DOCK6: variants seen among roughly 807,000 people sequenced by gnomAD.
DOCK6 encodes dedicator of cytokinesis 6.
In DOCK6, 167 loss-of-function variants were observed where a neutral mutation model predicts 230.3. The observed-to-expected ratio is 0.73, with a 90% CI of 0.64 to 0.82. The LOEUF is 0.82. Ranked by LOEUF, DOCK6 falls within the 40% of genes least tolerant of loss-of-function variation. The pLI, the probability that DOCK6 is intolerant of heterozygous loss-of-function variation, is 0.00. For missense variants in DOCK6, 2,598 were observed against 2,825.8 expected, an observed-to-expected ratio of 0.92 and a Z score of 1.83; for synonymous variants, 1,148 against 1,185.0, an observed-to-expected ratio of 0.97 and a Z score of 0.64.
At chr19:11,239,980 G>A in intron 14 of DOCK6, 2 of 1,554,518 alleles carry the variant, frequency 1.3e-6, no homozygotes, top group Non-Finnish European at 1.7e-6. Flanking sequence ...GGAGTCCAAA[G>A]AGGAGTTCGT....
rs1204283106 is a variant in DOCK6 at position 11,200,370 on chromosome 19, A to G, written c.6039T>C (p.Ala2013=). ...GGCGCTGGGTAAGCAGGGGCTGCAG[A>G]GCCTCCCGCAGGCGGCAGTAGTTGC... The part of the protein sequence containing the change: ...LERNYCRLRE[A]LQPLLTQRLP... Residue 2013 remains alanine (A), a synonymous_variant, in exon 47 of 48, where the codon GCT becomes GCC. Coordinates refer to ENST00000294618, the MANE Select transcript of DOCK6 (RefSeq NM_020812.4). This position sits in a 1 kb window ranked among gnomAD's most constrained non-coding sequence, Gnocchi z 4.3. 1.9e-6 allele frequency: 3 copies of G among 1,593,660 alleles called. No individual in the cohort carries two copies. Among genetic ancestry groups the G allele is most frequent in the Non-Finnish European group, 1.7e-6 (2 of 1,170,552 alleles).
At chr19:11,249,137 C>A (rs2080079005) in intron 6 of DOCK6, among the ~76,000 whole-genome samples, 1 of 152,166 alleles carries the variant, frequency 6.6e-6, no homozygotes, top group Non-Finnish European at 1.5e-5. Flanking sequence ...GAGAACTATA[C>A]AGTAGGCATT....
Position 11,222,700 on chromosome 19 carries a change from G to A in DOCK6, c.3240+35C>T. On this transcript the variant is annotated intron_variant, in intron 26 of 47. Transcript: ENST00000294618. The surrounding 1 kb of genome is among the most constrained non-coding windows in gnomAD (Gnocchi z 4.0). Reference sequence around the variant, plus strand: ...ATGGACTGAAGGTGAGAGGTTGTAGGTCAAAGAGAGGAGGCAGAAGTGAAG... The same window carrying A: ...ATGGACTGAAGGTGAGAGGTTGTAGATCAAAGAGAGGAGGCAGAAGTGAAG... The A allele has an allele frequency of 1.3e-6, 2 of 1,540,308 alleles. No homozygotes were observed.
At chr19:11,235,295 C>T (rs113062255) in intron 21 of DOCK6, among the ~76,000 whole-genome samples, 1,546 of 152,072 alleles carry the variant, frequency 0.01, 29 homozygotes, top group African/African-American at 0.035. Context: ...TTAGTAGAGA[C>T]GGGGTTTCAC....
intron 37 of DOCK6, among the ~76,000 whole-genome samples, chr19:11,210,543 C>G (rs1241642621): frequency 1.4e-5 from 2 of 143,722 alleles, no homozygotes; most frequent in African/African-American, 5.2e-5. Context: ...CCTGCCCATC[C>G]CCTTACCTGT....
intron 7 of DOCK6, 118 bp downstream of exon 7, chr19:11,247,948 G>A: frequency 1.2e-6 from 1 of 818,596 alleles, no homozygotes; most frequent in Non-Finnish European, 2.0e-6. Context: ...ATACATAGGT[G>A]GCCACATAGG....
intron 22 of DOCK6, chr19:11,232,181 G>A: frequency 2.3e-6 from 3 of 1,288,110 alleles, no homozygotes; most frequent in Non-Finnish European, 3.0e-6. Context: ...GGTAGGAAGG[G>A]CACCTGTCTG....
intron 7 of DOCK6, among the ~76,000 whole-genome samples, chr19:11,246,737 T>C (rs1208097111): frequency 6.6e-6 from 1 of 152,146 alleles, no homozygotes; most frequent in Non-Finnish European, 1.5e-5. Context: ...CTTTCTGGGG[T>C]GTCATCTGCC....
chr19:11,209,582 ATCCCTTCACTTGTCTAT>A (rs2079329022), intron 37 of DOCK6, among the ~76,000 whole-genome samples: 2 of 114,208 alleles, frequency 1.8e-5, no homozygotes. Context: ...TCACCTGTCC[ATCCCTTCACTTGTCTAT>A]CCCCTCACCT....
At chr19:11,215,557 T>A in intron 31 of DOCK6, 86 bp from the exon 32 acceptor site, 1 of 1,420,360 alleles carries the variant, frequency 7.0e-7, no homozygotes, top group Non-Finnish European at 9.7e-7. Context: ...CATGAAGATA[T>A]TCAGGTGGGC....
At chr19:11,209,965 G>GTC (rs2079344460) in intron 37 of DOCK6, among the ~76,000 whole-genome samples, 1 of 31,122 alleles carries the variant, frequency 3.2e-5, no homozygotes, top group African/African-American at 1.3e-4. Context: ...TCACCTGCCC[G>GTC]CCCTCACCTG....
At chr19:11,235,052 T>C (rs993132151) in intron 21 of DOCK6, among the ~76,000 whole-genome samples, 1 of 152,020 alleles carries the variant, frequency 6.6e-6, no homozygotes, top group Non-Finnish European at 1.5e-5. Flanking sequence ...AAGTGATTCT[T>C]CTGCCTCAGC....
chr19:11,252,241 A>G lies in DOCK6; in HGVS notation c.385T>C (p.Tyr129His). ...DWVIVHRRYQYLSAAYSPVTT... is the reference protein window; with the variant it reads ...DWVIVHRRYQHLSAAYSPVTT... ...ACGGGGCTGTATGCTGCACTCAGGT[A>G]CTGATACCTAGCAGGAAACGGGGCT... The change falls in exon 5 of 48, where the codon TAC becomes CAC. Residue 129 changes from tyrosine to histidine, a missense_variant. Coordinates refer to ENST00000294618, the MANE Select transcript of DOCK6 (RefSeq NM_020812.4). 6.3e-7 allele frequency: 1 copy of G among 1,583,516 alleles called. No individual in the cohort carries two copies. Among genetic ancestry groups the G allele is most frequent in the Non-Finnish European group, 8.6e-7 (1 of 1,164,524 alleles).
intron 7 of DOCK6, 101 bp downstream of exon 7, chr19:11,247,965 G>C: frequency 9.7e-7 from 1 of 1,029,120 alleles, no homozygotes. Flanking sequence ...TAGGTGACAG[G>C]GCCGCACACG....
At chr19:11,219,084 G>A (rs187068144) in intron 28 of DOCK6, among the ~76,000 whole-genome samples, 1 of 149,062 alleles carries the variant, frequency 6.7e-6, no homozygotes, top group East Asian at 2.0e-4. Context: ...TCACTATGTT[G>A]GCCAGGCTGG....
Position 11,215,788 on chromosome 19 carries a change from G to C in DOCK6, c.4021+13C>G. On this transcript the variant is annotated intron_variant, in intron 31 of 47. Coordinates refer to ENST00000294618, the MANE Select transcript of DOCK6 (RefSeq NM_020812.4). Reference sequence around the variant, plus strand: ...TGGTGGGATGGGGACACGTGGGTATGTCACCCTCTTACCACGACTTCGCCG... The same window carrying C: ...TGGTGGGATGGGGACACGTGGGTATCTCACCCTCTTACCACGACTTCGCCG... 6.2e-7 allele frequency: 1 copy of C among 1,613,978 alleles called. No individual in the cohort carries two copies. Among genetic ancestry groups the C allele is most frequent in the Non-Finnish European group, 8.5e-7 (1 of 1,179,856 alleles).
chr19:11,230,099 C>T (rs189404753), intron 22 of DOCK6, among the ~76,000 whole-genome samples: 125 of 150,428 alleles, frequency 8.3e-4, no homozygotes, highest in African/African-American at 3.0e-3. Context: ...TTTGGGAGGC[C>T]GAGGCAGGTA....
chr19:11,232,315 C>T, intron 22 of DOCK6: 1 of 1,286,936 alleles, frequency 7.8e-7, no homozygotes, highest in Non-Finnish European at 1.0e-6. Flanking sequence ...GAAGTGGTAG[C>T]ATCCCCAGTG....
Position 11,202,426 on chromosome 19 carries a change from G to T in DOCK6, c.5419C>A (p.Pro1807Thr). 1 of 1,613,850 alleles carries T rather than the reference G, an allele frequency of 6.2e-7. No individual in the cohort carries two copies. Among genetic ancestry groups the T allele is most frequent in the Non-Finnish European group, 8.5e-7 (1 of 1,179,850 alleles). Residue 1807 changes from proline to threonine, a missense_variant, in exon 43 of 48, where the codon CCT becomes ACT. Transcript: ENST00000294618. The surrounding 1 kb of genome is among the most constrained non-coding windows in gnomAD (Gnocchi z 5.3). ...DVVEIIKDSNPVDKSKLDSQK... is the reference protein window; with the variant it reads ...DVVEIIKDSNTVDKSKLDSQK... ...GAGTCAAGCTTGGACTTGTCCACAG[G>T]GTTAGAGTCTTTGATAATCTCAACG...
Sources: gnomAD v4.1 joint callset for allele counts (sites outside exome capture counted in the v4.1 genomes callset) on GRCh38, gnomAD v4.1.1 for gene constraint, Gnocchi (gnomAD v3.1) non-coding constraint, MANE v1.5 for transcripts, NCBI Gene and HGNC (gene_info 2026-07-23, HGNC 2026-07-21) for gene names.